HHATL: variants seen among roughly 807,000 people sequenced by gnomAD.
HHATL encodes the protein protein-cysteine N-palmitoyltransferase HHAT-like protein.
A neutral mutation model predicts 59.7 loss-of-function variants in HHATL; 49 were observed. The observed-to-expected ratio is 0.82, with a 90% CI of 0.65 to 1.04. The LOEUF (loss-of-function observed/expected upper bound fraction) is 1.04. HHATL is among the 50% of genes least tolerant of loss of function. HHATL has a pLI of 0.00. For synonymous variants in HHATL, 238 were observed against 257.3 expected, an observed-to-expected ratio of 0.93 and a Z score of 0.72; for missense variants, 605 against 650.8, an observed-to-expected ratio of 0.93 and a Z score of 0.77.
rs1465741188 is a variant in HHATL, at chr3:42,692,751, C to T, written c.1515G>A (p.Ter505=). 2 of 1,614,090 alleles carry T rather than the reference C, an allele frequency of 1.2e-6. No homozygotes were observed. Among genetic ancestry groups the T allele is most frequent in the African/African-American group, 2.7e-5 (2 of 74,940 alleles). ...AGCCCATCCCTCTACCCGCTCCCTC[C>T]TACTCCGGCTTCTCTTTGTCCTGCT... ...EQKQDKEKPE[*] is the part of the protein sequence containing the mutation. Residue 505 remains the stop codon, a stop_retained_variant, in exon 12 of 12, where the codon TAG becomes TAA. Coordinates refer to ENST00000441594, the MANE Select transcript of HHATL (RefSeq NM_020707.4).
chr3:42,693,079 G>T lies in HHATL; in HGVS notation c.1388C>A (p.Thr463Lys). Residue 463 changes from threonine to lysine, a missense_variant and splice_region_variant, in exon 11 of 12, where the codon ACA becomes AAA. Physicochemically the swap from Thr to Lys is moderately conservative, Grantham distance 78. Coordinates refer to ENST00000441594, the MANE Select transcript of HHATL (RefSeq NM_020707.4). ...ATCCCCACACCCCTGTCCCTCACCT[G>T]TGAGTAGCAGGCGCCGGGCAACCAG... is the stretch of plus-strand genomic sequence containing the variant. ...TELVARRLLL[T>K]GFPQTTLSIL... 6.2e-7 allele frequency: 1 copy of T among 1,614,184 alleles called. No individual in the cohort carries two copies. Among genetic ancestry groups the T allele is most frequent in the East Asian group, 2.2e-5 (1 of 44,878 alleles).
In HHATL at chr3:42,701,134, T is replaced by G; in HGVS notation, c.-13-295A>C. On this transcript the variant is annotated intron_variant, in intron 1 of 11. Transcript: ENST00000441594. The surrounding 1 kb of genome is among the most constrained non-coding windows in gnomAD (Gnocchi z 5.1). ...CACCTTCATTTACATCTTCATACCT[T>G]CCAGAGGCACCGGCCCCACCCTCTG... The G allele has an allele frequency of 2.7e-6, 1 of 369,030 alleles. No individual in the cohort carries two copies. Among genetic ancestry groups the G allele is most frequent in the Non-Finnish European group, 5.0e-6 (1 of 199,012 alleles). The allele number at this position is 369,030 out of a possible 1,614,324, so 22.9% of individuals were successfully genotyped here.
intron 7 of HHATL, 67 bp from the exon 8 acceptor site, chr3:42,697,212 T>G: frequency 4.0e-6 from 6 of 1,491,508 alleles, no homozygotes; most frequent in Non-Finnish European, 5.4e-6. Flanking sequence ...GAAGACCCTG[T>G]CCCACCACTT....
At chr3:42,697,261 C>G (rs1011795394) in intron 7 of HHATL, 116 bp from the exon 8 acceptor site, 11 of 1,301,320 alleles carry the variant, frequency 8.5e-6, no homozygotes, top group Non-Finnish European at 1.0e-5. Context: ...CCCACGGAGA[C>G]CCCCCCATAT....
At chr3:42,693,979 T>C (rs1310819336) in intron 9 of HHATL, 161 bp from the exon 10 acceptor site, 2 of 627,908 alleles carry the variant, frequency 3.2e-6, no homozygotes, top group East Asian at 5.5e-5. Context: ...AACTTCAAAT[T>C]GTGGCAGGCT....
At chr3:42,693,577 A>G (rs1273728791) in intron 10 of HHATL, 40 bp downstream of exon 10, 1 of 1,578,014 alleles carries the variant, frequency 6.3e-7, no homozygotes. Context: ...CCCGCCCTCT[A>G]TGACCCAGCC....
At position 42,701,995 on chromosome 3, in the gene HHATL, C is replaced by T. The variant is rs1325432986; in HGVS notation, c.-14+584G>A. Among the ~76,000 whole-genome samples the T allele has an allele frequency of 1.6e-4, 25 of 152,220 alleles. No individual in the cohort carries two copies. Among genetic ancestry groups the T allele is most frequent in the Admixed American group, 1.6e-3 (24 of 15,288 alleles). ...TCGTACAGATGGAGGGGTCATGGGC[C>T]AGATAGGGGCAGGGACCTGTCAAGG... On this transcript the variant is annotated intron_variant, in intron 1 of 11. Transcript: ENST00000441594. This position sits in a 1 kb window ranked among gnomAD's most constrained non-coding sequence, Gnocchi z 5.1.
intron 1 of HHATL, among the ~76,000 whole-genome samples, chr3:42,702,256 G>C (rs1698031599): frequency 6.6e-6 from 1 of 152,230 alleles, no homozygotes; most frequent in South Asian, 2.1e-4. Flanking sequence ...TGAAACCGGA[G>C]CATGGTGAAG....
At chr3:42,697,460 T>A in intron 7 of HHATL, 48 bp downstream of exon 7, 1 of 1,579,776 alleles carries the variant, frequency 6.3e-7, no homozygotes, top group Non-Finnish European at 8.6e-7. Flanking sequence ...AGAGGGTCTG[T>A]TTTCCTGGGG....
Position 42,701,185 on chromosome 3 carries a change from C to T in HHATL, c.-13-346G>A, listed in dbSNP as rs1203005361. 2 of 261,542 alleles carry T rather than the reference C, an allele frequency of 7.6e-6. No individual in the cohort carries two copies. Among genetic ancestry groups the T allele is most frequent in the Non-Finnish European group, 1.5e-5 (2 of 134,442 alleles). 16.2% of individuals were successfully genotyped at this position (261,542 alleles called of 1,614,324 possible). A position where few individuals can be genotyped will look rare whatever the true frequency, so the allele number is the denominator to read the frequency against. On this transcript the variant is annotated intron_variant, in intron 1 of 11. Coordinates refer to ENST00000441594, the MANE Select transcript of HHATL (RefSeq NM_020707.4). The surrounding 1 kb of genome is among the most constrained non-coding windows in gnomAD (Gnocchi z 5.1). ...CCAAAACCGCTCCTGCCAAGGCCCC[C>T]ATGACCTGCGTGCGGAGAAACCCCA... is the stretch of plus-strand genomic sequence containing the variant.
rs1489533767 is a variant in HHATL at position 42,702,562 on chromosome 3, C to G, written c.-14+17G>C. 6.6e-6 allele frequency: 1 copy of G among 152,474 alleles called. No homozygotes were observed. Among genetic ancestry groups the G allele is most frequent in the Non-Finnish European group, 1.5e-5 (1 of 68,246 alleles). 9.4% of individuals were successfully genotyped at this position (152,474 alleles called of 1,614,324 possible). A position where few individuals can be genotyped will look rare whatever the true frequency, so the allele number is the denominator to read the frequency against. On this transcript the variant is annotated intron_variant, in intron 1 of 11. Transcript: ENST00000441594. The stretch of plus-strand genomic sequence containing the variant: ...CTCAAGAGCCCCAGAGTAGCTGCAT[C>G]CCCAGCTGGCACTGACCTTGAGGAG...
At chr3:42,698,675 C>A (rs781174272) in intron 5 of HHATL, 33 bp downstream of exon 5, 1 of 1,523,682 alleles carries the variant, frequency 6.6e-7, no homozygotes. Flanking sequence ...GGGATCTTAT[C>A]CCTACACCCT....
intron 3 of HHATL, 27 bp from the exon 4 acceptor site, chr3:42,699,172 T>TG (rs1697815950): frequency 6.4e-7 from 1 of 1,570,468 alleles, no homozygotes; most frequent in Admixed American, 1.7e-5. Context: ...CAGAAGGAGG[T>TG]GGGGCAGGTG....
chr3:42,701,091 C>G lies in HHATL; in HGVS notation c.-13-252G>C, dbSNP rs1248140028. 2.9e-5 allele frequency: 14 copies of G among 475,624 alleles called. No homozygotes were observed. The highest frequency in any genetic ancestry group is 1.4e-4 in the South Asian group (4 of 29,184). The allele number at this position is 475,624 out of a possible 1,614,324, so 29.5% of individuals were successfully genotyped here. ...AAGGCTCTTGCCCGCAGAGCCCTCA[C>G]TCGCAGCCTGCCTCCCTCACCTTCA... On this transcript the variant is annotated intron_variant, in intron 1 of 11. Transcript: ENST00000441594. This position sits in a 1 kb window ranked among gnomAD's most constrained non-coding sequence, Gnocchi z 5.1.
intron 2 of HHATL, 45 bp downstream of exon 2, chr3:42,700,676 G>A (rs766743533): frequency 7.2e-7 from 1 of 1,388,736 alleles, no homozygotes; most frequent in East Asian, 2.3e-5. Context: ...GAGGCCTCCA[G>A]GGGAAGAAGG....
In HHATL at chr3:42,700,950, G is replaced by A. The variant is rs1370537215; in HGVS notation, c.-13-111C>T. 3 of 682,340 alleles carry A rather than the reference G, an allele frequency of 4.4e-6. No homozygotes were observed. In the Admixed American group the frequency reaches 7.3e-5, roughly 17 times the overall value. 42.3% of individuals were successfully genotyped at this position (682,340 alleles called of 1,614,324 possible). A position where few individuals can be genotyped will look rare whatever the true frequency, so the allele number is the denominator to read the frequency against. ...ACTCTGAAGAGAGATTGCCCCTCCA[G>A]CCCCTTGGGGACCTTGTACCATCAC... On this transcript the variant is annotated intron_variant, in intron 1 of 11. Coordinates refer to ENST00000441594, the MANE Select transcript of HHATL (RefSeq NM_020707.4).
rs1441842143 is a variant in HHATL at position 42,698,241 on chromosome 3, A to G, written c.594T>C (p.Pro198=). ...GGTCAGCTAAGGAGTAGTGGCGGTC[A>G]GGGTGGGCACAGCTCTCCAGTGCAA... ...TSFALESCAH[P]DRHYSLADLL... is the part of the protein sequence containing the mutation. Residue 198 remains proline, a synonymous_variant, in exon 6 of 12, where the codon CCT becomes CCC. Transcript: ENST00000441594. The G allele has an allele frequency of 6.2e-7, 1 of 1,614,200 alleles. No homozygotes were observed. The highest frequency in any genetic ancestry group is 8.5e-7 in the Non-Finnish European group (1 of 1,180,010).
In HHATL at chr3:42,693,621, A is replaced by G. The variant is rs1411531343; in HGVS notation, c.1244T>C (p.Ile415Thr). The G allele has an allele frequency of 4.3e-6, 7 of 1,613,770 alleles. No homozygotes were observed. The highest frequency in any genetic ancestry group is 4.0e-5 in the African/African-American group (3 of 74,882). Residue 415 changes from isoleucine to threonine, a missense_variant, in exon 10 of 12, where the codon ATT becomes ACT. By Grantham distance (89) the Ile-to-Thr change is moderately conservative. Transcript: ENST00000441594. ...CCCCAGGTCTTCCCTGCTCACCTCA[A>G]TTCGTGCTAGGGGCCCCCACTCTGC... The part of the protein sequence containing the change: ...KLAEWGPLAR[I>T]EASLSVQMSR...
At chr3:42,702,046 T>TC (rs1698017934) in intron 1 of HHATL, among the ~76,000 whole-genome samples, 2 of 152,166 alleles carry the variant, frequency 1.3e-5, no homozygotes, top group African/African-American at 4.8e-5. Flanking sequence ...GGGACAGACT[T>TC]CTGCCTGCCT....
Sources: gnomAD v4.1 joint callset for allele counts (sites outside exome capture counted in the v4.1 genomes callset) on GRCh38, gnomAD v4.1.1 for gene constraint, Gnocchi (gnomAD v3.1) non-coding constraint, MANE v1.5 for transcripts, NCBI Gene and HGNC (gene_info 2026-07-23, HGNC 2026-07-21) for gene names.